The following NKIRAS1 variants were observed in gnomAD, a reference collection of about 807,000 sequenced individuals.
NKIRAS1 encodes NFKB inhibitor interacting Ras like 1, also known as NF-kappa-B inhibitor-interacting Ras-like protein 1.
NKIRAS1 carries 16 observed loss-of-function variants against 19.8 expected under a neutral mutation model. The observed-to-expected ratio is 0.81, with a 90% CI of 0.55 to 1.23. The LOEUF (loss-of-function observed/expected upper bound fraction) is 1.23, where lower values mean the gene tolerates loss of function less well. NKIRAS1 is among the 50% of genes most tolerant of loss of function. NKIRAS1 has a pLI of 0.00. For missense variants in NKIRAS1, 184 were observed against 220.0 expected, an observed-to-expected ratio of 0.84 and a Z score of 1.04; for synonymous variants, 88 against 79.0, an observed-to-expected ratio of 1.11 and a Z score of -0.61.
chr3:23,921,216 C>A (rs1446719575), upstream of NKIRAS1, among the ~76,000 whole-genome samples: 1 of 152,188 alleles, frequency 6.6e-6, no homozygotes, highest in African/African-American at 2.4e-5. Context: ...TACAAGAAAA[C>A]CTTGTTCCTG....
At chr3:23,919,223 C>T, upstream of NKIRAS1, 1 of 1,613,870 alleles carries the variant, frequency 6.2e-7, no homozygotes, top group Admixed American at 1.7e-5. Flanking sequence ...CTGTGGGGCT[C>T]TGAGAGTCCT....
At chr3:23,945,641 C>A in intron 1 of NKIRAS1, 1 of 1,150,488 alleles carries the variant, frequency 8.7e-7, no homozygotes, top group Non-Finnish European at 1.1e-6. Flanking sequence ...AGGGAGCGCT[C>A]AGAGCCCGCG....
At chr3:23,941,289 C>G (rs964092441) in intron 1 of NKIRAS1, among the ~76,000 whole-genome samples, 2 of 152,178 alleles carry the variant, frequency 1.3e-5, no homozygotes, top group Non-Finnish European at 2.9e-5. Flanking sequence ...CTTGGCCTAT[C>G]TTACTTGAGT....
chr3:23,901,952 T>C (rs1010752459), intron 3 of NKIRAS1, among the ~76,000 whole-genome samples: 4 of 152,098 alleles, frequency 2.6e-5, no homozygotes, highest in Non-Finnish European at 5.9e-5. Context: ...GGGCACCTGT[T>C]ATCCCAGCTA....
intron 3 of NKIRAS1, among the ~76,000 whole-genome samples, chr3:23,908,881 T>C (rs1324194908): frequency 1.3e-5 from 2 of 151,712 alleles, no homozygotes; most frequent in East Asian, 3.9e-4. Flanking sequence ...TTTTGTTTTG[T>C]TTTTAGTGGA....
At chr3:23,904,968 C>T (rs1394053155) in intron 3 of NKIRAS1, among the ~76,000 whole-genome samples, 1 of 152,236 alleles carries the variant, frequency 6.6e-6, no homozygotes, top group East Asian at 1.9e-4. Context: ...TAAACAACCA[C>T]AGCTACGGCA....
chr3:23,891,905 G>C lies in NKIRAS1; in HGVS notation c.*1190C>G, dbSNP rs1701496765. On this transcript the variant is annotated 3_prime_UTR_variant, in exon 5 of 5. Transcript: ENST00000425478. ...TTCAATAACCGGGGGAAAAGGGTAA[G>C]GGGGTGAGTTAGTGTCTGGTAATTT... The C allele has an allele frequency of 6.6e-6, 1 of 152,182 alleles. No individual in the cohort carries two copies. Among genetic ancestry groups the C allele is most frequent in the Non-Finnish European group, 1.5e-5 (1 of 68,028 alleles). 9.4% of individuals were successfully genotyped at this position (152,182 alleles called of 1,614,324 possible).
At chr3:23,897,982 T>C (rs1331592583) in intron 4 of NKIRAS1, among the ~76,000 whole-genome samples, 1 of 152,186 alleles carries the variant, frequency 6.6e-6, no homozygotes, top group Admixed American at 6.6e-5. Context: ...ATGAGGAAGT[T>C]ACTATTATTC....
chr3:23,912,561 G>A (rs1703867899), intron 1 of NKIRAS1, among the ~76,000 whole-genome samples: 1 of 152,162 alleles, frequency 6.6e-6, no homozygotes, highest in African/African-American at 2.4e-5. Flanking sequence ...GAGAGGATGT[G>A]GAGAAATAGG....
rs965616158 is a variant in NKIRAS1 at position 23,892,053 on chromosome 3, G to C, written c.*1042C>G. The stretch of plus-strand genomic sequence containing the variant: ...TTCTTCACTAGAGCTCATGAAAAAA[G>C]TATTCCATTTAAGATGTTACAAATT... On this transcript the variant is annotated 3_prime_UTR_variant, in exon 5 of 5. Transcript: ENST00000425478. 1.3e-5 allele frequency: 2 copies of C among 152,142 alleles called. No individual in the cohort carries two copies. The highest frequency in any genetic ancestry group is 2.9e-5 in the Non-Finnish European group (2 of 68,020). 9.4% of individuals were successfully genotyped at this position (152,142 alleles called of 1,614,324 possible). A position where few individuals can be genotyped will look rare whatever the true frequency, so the allele number is the denominator to read the frequency against.
chr3:23,912,517 T>C (rs532240409), intron 1 of NKIRAS1, among the ~76,000 whole-genome samples: 1 of 152,098 alleles, frequency 6.6e-6, no homozygotes, highest in Non-Finnish European at 1.5e-5. Flanking sequence ...ATTAGAATGG[T>C]TATCATTAAA....
chr3:23,908,846 CTT>C (rs112291188), intron 3 of NKIRAS1, among the ~76,000 whole-genome samples: 25 of 141,942 alleles, frequency 1.8e-4, no homozygotes, highest in African/African-American at 4.6e-4. Flanking sequence ...TTCTTTCTTT[CTT>C]TTTTTTTTTT....
rs746340000 is a variant in NKIRAS1, at chr3:23,890,535, A to G, written c.*2560T>C. Reference sequence around the variant, plus strand: ...CGACCCCTTGGTGGGAAGTATTGCCACTCAGTATATGACCAACAGAGCAGA... The same window carrying G: ...CGACCCCTTGGTGGGAAGTATTGCCGCTCAGTATATGACCAACAGAGCAGA... On this transcript the variant is annotated 3_prime_UTR_variant, in exon 5 of 5. Coordinates refer to ENST00000425478, the MANE Select transcript of NKIRAS1 (RefSeq NM_020345.4). The G allele has an allele frequency of 5.3e-5, 86 of 1,613,038 alleles. No individual in the cohort carries two copies. The highest frequency in any genetic ancestry group is 1.6e-4 in the Middle Eastern group (1 of 6,082).
intron 3 of NKIRAS1, among the ~76,000 whole-genome samples, chr3:23,903,311 C>T (rs1172116659): frequency 6.6e-6 from 1 of 152,096 alleles, no homozygotes; most frequent in Non-Finnish European, 1.5e-5. Context: ...GATGGGGTTT[C>T]ACCATGTTGC....
chr3:23,915,497 C>T (rs1704259216), intron 1 of NKIRAS1, among the ~76,000 whole-genome samples: 1 of 152,204 alleles, frequency 6.6e-6, no homozygotes. Context: ...AAGACTAACA[C>T]AATTTCCTAA....
intron 1 of NKIRAS1, chr3:23,945,686 C>A: frequency 5.5e-6 from 3 of 542,172 alleles, no homozygotes; most frequent in South Asian, 8.4e-5. Context: ...GGGGTGTCCC[C>A]ATGGCCGGTG....
Position 23,922,302 on chromosome 3 carries a change from T to G in NKIRAS1, c.-139-10852A>C, listed in dbSNP as rs1705116696. 1 of 152,250 alleles carries G rather than the reference T, an allele frequency of 6.6e-6. No individual in the cohort carries two copies. The highest frequency in any genetic ancestry group is 2.4e-5 in the African/African-American group (1 of 41,452). 9.4% of individuals were successfully genotyped at this position (152,250 alleles called of 1,614,324 possible). A position where few individuals can be genotyped will look rare whatever the true frequency, so the allele number is the denominator to read the frequency against. ...AGGTGCAGTTACTAGTATTAATCCT[T>G]TTTTGCCAATGAGGAAACACAAAGA... is the stretch of plus-strand genomic sequence containing the variant. On this transcript the variant is annotated intron_variant, in intron 1 of 4. Transcript: ENST00000421515. The surrounding 1 kb of genome is among the most constrained non-coding windows in gnomAD (Gnocchi z 4.2).
At chr3:23,945,828 C>CCCCCCTCACATGGCCCGGCCG in intron 1 of NKIRAS1, among the ~76,000 whole-genome samples, 1 of 150,826 alleles carries the variant, frequency 6.6e-6, no homozygotes, top group South Asian at 2.1e-4. Context: ...CGGCCCGGCC[C>CCCCCCTCACATGGCCCGGCCG]CCCCCTCACA....
At chr3:23,911,065 C>CCTT in intron 2 of NKIRAS1, 144 bp from the exon 3 acceptor site, 1 of 633,306 alleles carries the variant, frequency 1.6e-6, no homozygotes, top group Non-Finnish European at 2.7e-6. Flanking sequence ...TAAGGTATAG[C>CCTT]CTTCCAAACC....
Sources: allele counts gnomAD v4.1 joint callset (sites outside exome capture counted in the v4.1 genomes callset), GRCh38; gene constraint gnomAD v4.1.1; non-coding constraint Gnocchi (gnomAD v3.1); transcripts MANE v1.5; gene names NCBI Gene and HGNC (gene_info 2026-07-23, HGNC 2026-07-21).